The following SYT14 variants were observed in gnomAD, a reference collection of about 807,000 sequenced individuals.
The protein encoded by SYT14 is synaptotagmin-14.
In SYT14, 32 loss-of-function variants were observed where a neutral mutation model predicts 74.2. That is an observed-to-expected ratio of 0.43 (90% CI 0.33 to 0.58). SYT14 has a LOEUF of 0.58. SYT14 is among the 20% of genes least tolerant of loss of function. The pLI is 0.05. For synonymous variants in SYT14, 298 were observed against 337.7 expected (o/e 0.88, Z 1.29); for missense variants, 791 against 981.8 (o/e 0.81, Z 2.60).
At chr1:210,129,808 A>G (rs146798643) in intron 7 of SYT14, among the ~76,000 whole-genome samples, 1 of 152,286 alleles carries the variant, frequency 6.6e-6, no homozygotes, top group Non-Finnish European at 1.5e-5. Context: ...GTGATTCTCA[A>G]TCTTAATTAC....
At chr1:210,163,128 T>C (rs2083406588) in exon 10 of SYT14, 1 of 453,398 alleles carries the variant, frequency 2.2e-6, no homozygotes, top group Admixed American at 2.4e-5. Context: ...ACAACTGTTA[T>C]CTTCCTAATA....
intron 7 of SYT14, among the ~76,000 whole-genome samples, chr1:210,128,236 G>A (rs566251025): frequency 1.2e-4 from 19 of 152,152 alleles, no homozygotes; most frequent in Non-Finnish European, 2.4e-4. Flanking sequence ...AATTAGTTGG[G>A]CATGGTGACA....
At chr1:209,969,678 G>A (rs911524010) in intron 2 of SYT14, among the ~76,000 whole-genome samples, 3 of 151,728 alleles carry the variant, frequency 2.0e-5, no homozygotes, top group Admixed American at 1.3e-4. Flanking sequence ...TAGTGTAGAC[G>A]GGGTTTCACC....
chr1:210,078,181 G>T (rs1426968944), intron 5 of SYT14, among the ~76,000 whole-genome samples: 1 of 151,504 alleles, frequency 6.6e-6, no homozygotes, highest in South Asian at 2.1e-4. Context: ...GTGGTAGCGG[G>T]CGCCTGTAGT....
intron 5 of SYT14, among the ~76,000 whole-genome samples, chr1:210,077,750 T>C (rs1366021167): frequency 6.6e-6 from 1 of 152,222 alleles, no homozygotes; most frequent in African/African-American, 2.4e-5. Context: ...CGATACTTAC[T>C]ATTGTCTATA....
intron 1 of SYT14, among the ~76,000 whole-genome samples, chr1:209,943,135 C>T (rs980197635): frequency 6.6e-6 from 1 of 152,138 alleles, no homozygotes; most frequent in African/African-American, 2.4e-5. Context: ...GAATAATTTA[C>T]AGTTTATTCA....
rs112119817 is a variant in SYT14, at chr1:210,105,186, A to C, written c.2034+4725A>C. ...ATCTGCATTTTAACAAGCACTGTAC[A>C]TGATTCTGATATACATTAAAGTTTG... On this transcript the variant is annotated intron_variant, in intron 7 of 9. Coordinates refer to ENST00000637265, the Ensembl canonical transcript of SYT14. Among the ~76,000 whole-genome samples, 471 of 152,330 alleles carry C rather than the reference A, an allele frequency of 3.1e-3. 4 individuals carry two copies. Among genetic ancestry groups the C allele is most frequent in the African/African-American group, 0.011 (445 of 41,574 alleles).
chr1:210,059,451 T>TATATATATATATATATAGAGAGAG (rs377050610), intron 5 of SYT14, among the ~76,000 whole-genome samples: 7 of 69,904 alleles, frequency 1.0e-4, no homozygotes, highest in African/African-American at 3.9e-4. Context: ...TATATATATA[T>TATATATATATATATATAGAGAGAG]AGAGAGAGAG....
At chr1:210,017,510 C>G (rs2080211269) in intron 4 of SYT14, among the ~76,000 whole-genome samples, 1 of 152,180 alleles carries the variant, frequency 6.6e-6, no homozygotes, top group African/African-American at 2.4e-5. Flanking sequence ...TTGCATCTAT[C>G]CAAATTTATA....
chr1:210,026,008 T>C (rs1205473196), intron 5 of SYT14, among the ~76,000 whole-genome samples: 2 of 152,168 alleles, frequency 1.3e-5, no homozygotes, highest in Non-Finnish European at 2.9e-5. Context: ...AAATCTGAAA[T>C]ACACATATTC....
intron 5 of SYT14, among the ~76,000 whole-genome samples, chr1:210,037,856 T>G (rs2080702987): frequency 6.6e-6 from 1 of 152,032 alleles, no homozygotes; most frequent in Non-Finnish European, 1.5e-5. Flanking sequence ...TGTGGCCTAC[T>G]ATATGGTCTG....
intron 2 of SYT14, among the ~76,000 whole-genome samples, chr1:209,968,374 ATACTCCATATGGATAG>A (rs1188672557): frequency 1.3e-5 from 2 of 151,940 alleles, no homozygotes; most frequent in East Asian, 1.9e-4. Flanking sequence ...GAGTAGTTCC[ATACTCCATATGGATAG>A]TACTCCATAT....
intron 6 of SYT14, among the ~76,000 whole-genome samples, chr1:210,097,869 A>G (rs1387158357): frequency 6.6e-6 from 1 of 152,124 alleles, no homozygotes; most frequent in Non-Finnish European, 1.5e-5. Context: ...ACCAACTAGC[A>G]TATAAGATTT....
rs143028981 is a variant in SYT14 at position 210,012,440 on chromosome 1, C to T, written c.-485-1193C>T. Among the ~76,000 whole-genome samples the T allele has an allele frequency of 2.4e-4, 37 of 152,192 alleles. 1 individual carries two copies. The East Asian group carries it at 5.6e-3, about 23-fold the overall frequency. ...TAGGATACAGTAGAGAGGAGTTGGT[C>T]GTTCCAGGCAAGGGAAGAAGATCAA... On this transcript the variant is annotated intron_variant, in intron 2 of 9. Transcript: ENST00000637265.
intron 2 of SYT14, among the ~76,000 whole-genome samples, chr1:210,006,810 A>G (rs1028172061): frequency 6.6e-5 from 10 of 151,906 alleles, no homozygotes; most frequent in African/African-American, 2.4e-4. Context: ...TATTATTTAG[A>G]GTATTATTGT....
intron 7 of SYT14, among the ~76,000 whole-genome samples, chr1:210,154,056 A>G (rs1397723870): frequency 1.3e-5 from 2 of 152,156 alleles, no homozygotes; most frequent in Non-Finnish European, 1.5e-5. Context: ...TTTGTGTAAA[A>G]CTAGCATTAT....
chr1:210,140,059 C>A (rs984044015), intron 7 of SYT14, among the ~76,000 whole-genome samples: 2 of 152,102 alleles, frequency 1.3e-5, no homozygotes, highest in Middle Eastern at 3.2e-3. Context: ...GTAGGTGCAC[C>A]ATTTTACTGT....
rs2078972943 is a variant in SYT14 at position 209,955,092 on chromosome 1, G to T, written c.-486+2336G>T. On this transcript the variant is annotated intron_variant, in intron 2 of 9. Coordinates refer to ENST00000637265, the Ensembl canonical transcript of SYT14. Reference sequence around the variant, plus strand: ...CCTGTCAGACCTCTGATTATATCATGTACCAGGGGTTTGGTCCTGGGCTTA... The same window carrying T: ...CCTGTCAGACCTCTGATTATATCATTTACCAGGGGTTTGGTCCTGGGCTTA... Among the ~76,000 whole-genome samples, 4 of 152,114 alleles carry T rather than the reference G, an allele frequency of 2.6e-5. 1 individual carries two copies. The South Asian group carries it at 8.3e-4, about 32-fold the overall frequency.
intron 1 of SYT14, among the ~76,000 whole-genome samples, chr1:209,943,287 T>C (rs1322771889): frequency 1.3e-5 from 2 of 151,984 alleles, no homozygotes; most frequent in Non-Finnish European, 2.9e-5. Flanking sequence ...GCAGATCAGT[T>C]GAAGTCAGGA....
Sources: allele counts gnomAD v4.1 joint callset (sites outside exome capture counted in the v4.1 genomes callset), GRCh38; gene constraint gnomAD v4.1.1; transcripts MANE v1.5; gene names NCBI Gene and HGNC (gene_info 2026-07-23, HGNC 2026-07-21).